Variants in KAZN observed in about 807,000 individuals in gnomAD.
The protein encoded by KAZN is kazrin, periplakin interacting protein.
In KAZN, 40 loss-of-function variants were observed where a neutral mutation model predicts 87.4. The observed-to-expected ratio is 0.46, with a 90% confidence interval of 0.36 to 0.60. The LOEUF (loss-of-function observed/expected upper bound fraction) is 0.60, where lower values mean the gene tolerates loss of function less well. Among genes scored for constraint, KAZN ranks in the 20% least tolerant of loss-of-function variants. The probability of loss-of-function intolerance (pLI) is 0.00; values close to 1 mark genes in which losing one functional copy is unlikely to be tolerated. For synonymous variants in KAZN, 466 were observed against 458.3 expected (o/e 1.02, Z -0.22); for missense variants, 898 against 1,073.9 (o/e 0.84, Z 2.29).
intron 2 of KAZN, among the ~76,000 whole-genome samples, chr1:14,355,452 G>A (rs1658940427): frequency 6.6e-6 from 1 of 150,872 alleles, no homozygotes; most frequent in South Asian, 2.1e-4. Flanking sequence ...TATACTTTAA[G>A]TTCTGAGATA....
chr1:14,237,332 G>A (rs984756240), intron 2 of KAZN, among the ~76,000 whole-genome samples: 22 of 152,168 alleles, frequency 1.4e-4, no homozygotes, highest in African/African-American at 5.3e-4. Context: ...TAATAGCTGA[G>A]GAGTGAGCAA....
intron 2 of KAZN, among the ~76,000 whole-genome samples, chr1:14,582,748 A>C (rs1457104467): frequency 6.6e-6 from 1 of 152,180 alleles, no homozygotes; most frequent in Admixed American, 6.5e-5. Context: ...AATCTTAAGA[A>C]TTTTCTTGAT....
chr1:14,738,566 T>C (rs77713020), intron 1 of KAZN, among the ~76,000 whole-genome samples: 5,771 of 152,158 alleles, frequency 0.038, 116 homozygotes, highest in South Asian at 0.071. Context: ...TTCTCCTGGC[T>C]TTCTGACCAC....
intron 1 of KAZN, among the ~76,000 whole-genome samples, chr1:14,901,155 G>T (rs532686337): frequency 6.6e-6 from 1 of 152,268 alleles, no homozygotes; most frequent in East Asian, 1.9e-4. Flanking sequence ...GACAACTGGG[G>T]GAAGGCTTCA....
rs528837913 is a variant in KAZN, at chr1:15,046,164, G to A, written c.726+2005G>A. On this transcript the variant is annotated intron_variant, in intron 4 of 14. Transcript: ENST00000376030. ...AATACAAAAATTAGCCAGACATGGC[G>A]GTGGATGCCTGTAATCCCAGTTACT... 5.9e-5 allele frequency among the ~76,000 whole-genome samples: 9 copies of A among 152,176 alleles called. No individual in the cohort carries two copies. In the South Asian group the frequency reaches 1.0e-3, roughly 18 times the overall value.
At chr1:14,637,957 C>T (rs1213738970) in intron 1 of KAZN, among the ~76,000 whole-genome samples, 2 of 151,956 alleles carry the variant, frequency 1.3e-5, no homozygotes, top group Non-Finnish European at 2.9e-5. Flanking sequence ...AGAGACTATC[C>T]CACACCTCTC....
chr1:14,283,655 C>T lies in KAZN; in HGVS notation c.249+103063C>T, dbSNP rs80129265. Among the ~76,000 whole-genome samples, 56 of 152,168 alleles carry T rather than the reference C, an allele frequency of 3.7e-4. 1 individual carries two copies. Among genetic ancestry groups the T allele is most frequent in the Middle Eastern group, 3.4e-3 (1 of 294 alleles). On this transcript the variant is annotated intron_variant, in intron 2 of 16. Coordinates refer to the KAZN transcript ENST00000636203. Reference sequence around the variant, plus strand: ...TTGCTGGTGGGAATGCAAAATGGTGCGACCCCTTTGGGAACAATCTGCCAG... The same window carrying T: ...TTGCTGGTGGGAATGCAAAATGGTGTGACCCCTTTGGGAACAATCTGCCAG...
intron 1 of KAZN, among the ~76,000 whole-genome samples, chr1:14,021,424 T>C (rs1167575872): frequency 1.3e-5 from 2 of 152,208 alleles, no homozygotes; most frequent in African/African-American, 4.8e-5. Flanking sequence ...GGTGATTTGT[T>C]TGCATGTGGA....
intron 1 of KAZN, among the ~76,000 whole-genome samples, chr1:14,857,026 G>A (rs915844724): frequency 6.6e-6 from 1 of 152,194 alleles, no homozygotes; most frequent in Non-Finnish European, 1.5e-5. Flanking sequence ...GTTTGGGATT[G>A]GATGTCAGGG....
intron 1 of KAZN, among the ~76,000 whole-genome samples, chr1:14,726,346 T>C (rs1191018301): frequency 1.3e-5 from 2 of 152,176 alleles, no homozygotes; most frequent in African/African-American, 4.8e-5. Flanking sequence ...GAGGCTCTGG[T>C]CACCAGGGGC....
rs1676684462 is a variant in KAZN, at chr1:14,598,718, G to C, written c.-280G>C. ...AGCAGCTCTCGGCGCCCGCCCGCCG[G>C]GGTCTCGGCGATCGCTGCTCCTCCT... is the stretch of plus-strand genomic sequence containing the variant. On this transcript the variant is annotated 5_prime_UTR_variant, in exon 1 of 15. Transcript: ENST00000376030. The surrounding 1 kb of genome is among the most constrained non-coding windows in gnomAD (Gnocchi z 4.2). 1.5e-6 allele frequency: 2 copies of C among 1,318,666 alleles called. No individual in the cohort carries two copies. The allele number at this position is 1,318,666 out of a possible 1,614,324, so 81.7% of individuals were successfully genotyped here. A position where few individuals can be genotyped will look rare whatever the true frequency, so the allele number is the denominator to read the frequency against.
At chr1:14,912,263 T>C (rs1032616400) in intron 1 of KAZN, among the ~76,000 whole-genome samples, 7 of 151,630 alleles carry the variant, frequency 4.6e-5, no homozygotes, top group East Asian at 1.9e-4. Flanking sequence ...ATCTGCCACA[T>C]TGGGGTCTCC....
intron 1 of KAZN, among the ~76,000 whole-genome samples, chr1:14,108,206 G>A (rs1407556920): frequency 6.6e-6 from 1 of 151,754 alleles, no homozygotes; most frequent in East Asian, 1.9e-4. Flanking sequence ...TCACCTTCAG[G>A]TCTTTGCTTG....
chr1:14,860,637 T>C (rs1399736161), intron 1 of KAZN, among the ~76,000 whole-genome samples: 1 of 152,210 alleles, frequency 6.6e-6, no homozygotes, highest in African/African-American at 2.4e-5. Flanking sequence ...CCAGGGACAT[T>C]TGAAAGAAAA....
At chr1:14,630,329 A>G (rs1679470048) in intron 1 of KAZN, among the ~76,000 whole-genome samples, 1 of 151,892 alleles carries the variant, frequency 6.6e-6, no homozygotes, top group Non-Finnish European at 1.5e-5. Context: ...GGGGAATTTA[A>G]CTCTTGAGCT....
intron 2 of KAZN, among the ~76,000 whole-genome samples, chr1:14,315,471 C>T: frequency 6.6e-6 from 1 of 152,012 alleles, no homozygotes; most frequent in East Asian, 1.9e-4. Context: ...CATATAGATG[C>T]CTGTATAACC....
At chr1:14,777,538 C>A (rs1645216686) in intron 1 of KAZN, among the ~76,000 whole-genome samples, 1 of 152,146 alleles carries the variant, frequency 6.6e-6, no homozygotes, top group African/African-American at 2.4e-5. Context: ...CCTCACCTCT[C>A]CAACTTCACC....
chr1:14,641,927 G>A (rs967671503), intron 1 of KAZN, among the ~76,000 whole-genome samples: 2 of 152,226 alleles, frequency 1.3e-5, no homozygotes, highest in African/African-American at 4.8e-5. Context: ...ACGTGACATA[G>A]GATATGTATC....
intron 10 of KAZN, among the ~76,000 whole-genome samples, chr1:15,095,844 T>C (rs543903149): frequency 2.6e-5 from 4 of 152,156 alleles, no homozygotes; most frequent in Admixed American, 1.3e-4. Context: ...CAAATCCATA[T>C]GTGTGCAGGA....
Sources: allele counts gnomAD v4.1 joint callset (sites outside exome capture counted in the v4.1 genomes callset), GRCh38; gene constraint gnomAD v4.1.1; non-coding constraint Gnocchi (gnomAD v3.1); transcripts MANE v1.5; gene names NCBI Gene and HGNC (gene_info 2026-07-23, HGNC 2026-07-21).